Variants in NRIP1 observed in about 807,000 individuals in gnomAD.
NRIP1 encodes the protein nuclear receptor interacting protein 1.
In NRIP1, 28 loss-of-function variants were observed where a neutral mutation model predicts 75.0. The ratio of observed to expected loss-of-function variants is 0.37; its 90% confidence interval spans 0.28 to 0.51. The LOEUF is 0.51. NRIP1 is among the 20% of genes least tolerant of loss of function. The pLI, the probability that NRIP1 is intolerant of heterozygous loss-of-function variation, is 0.92. For missense variants in NRIP1, 1,435 were observed against 1,343.7 expected (o/e 1.07, Z -1.06); for synonymous variants, 526 against 487.6 (o/e 1.08, Z -1.04).
At position 14,968,503 on chromosome 21, in the gene NRIP1, C is replaced by A; in HGVS notation, c.-311G>T. 1 of 239,890 alleles carries A rather than the reference C, an allele frequency of 4.2e-6. No individual in the cohort carries two copies. Among genetic ancestry groups the A allele is most frequent in the Non-Finnish European group, 8.7e-6 (1 of 114,518 alleles). The allele number at this position is 239,890 out of a possible 1,614,324, so 14.9% of individuals were successfully genotyped here. A position where few individuals can be genotyped will look rare whatever the true frequency, so the allele number is the denominator to read the frequency against. ...CTTTTCCTTCTTCATCTTTTGTTCC[C>A]CATTAAATGCAAATATCAGTGTTCT... On this transcript the variant is annotated 5_prime_UTR_variant, in exon 4 of 4. Coordinates refer to ENST00000318948, the MANE Select transcript of NRIP1 (RefSeq NM_003489.4).
chr21:15,047,031 AG>A (rs1326071033), intron 1 of NRIP1, among the ~76,000 whole-genome samples: 3 of 152,204 alleles, frequency 2.0e-5, no homozygotes, highest in Non-Finnish European at 4.4e-5. Context: ...ATTAGCAATA[AG>A]GCTGTCTATT....
At chr21:14,975,426 T>C (rs2087028395) in intron 3 of NRIP1, among the ~76,000 whole-genome samples, 1 of 151,992 alleles carries the variant, frequency 6.6e-6, no homozygotes, top group African/African-American at 2.4e-5. Context: ...TTTTACATTC[T>C]TGAAAGATAA....
Position 14,967,744 on chromosome 21 carries a change from G to A in NRIP1, c.449C>T (p.Ser150Leu). 6.2e-7 allele frequency: 1 copy of A among 1,614,152 alleles called. No homozygotes were observed. Among genetic ancestry groups the A allele is most frequent in the South Asian group, 1.1e-5 (1 of 91,082 alleles). The change falls in exon 4 of 4, where the codon TCA (serine) becomes TTA (leucine). Residue 150 changes from serine (S) to leucine (L), a missense_variant. Physicochemically the swap from Ser to Leu is moderately radical, Grantham distance 145 (BLOSUM62 -2). Transcript: ENST00000318948. ...FSSRLQTVAL[S>L]QQIRQSLKEQ... ...CTTGAGGCTCTGCCTGATTTGTTGT[G>A]ACAGAGCAACAGTCTGCAGCCTAGA...
chr21:15,052,603 G>C (rs2089225445), intron 1 of NRIP1, among the ~76,000 whole-genome samples: 1 of 152,140 alleles, frequency 6.6e-6, no homozygotes, highest in Non-Finnish European at 1.5e-5. Flanking sequence ...TTAAACTACA[G>C]AAGGTAATTA....
chr21:15,053,075 G>A (rs1322410900), intron 1 of NRIP1, among the ~76,000 whole-genome samples: 2 of 152,108 alleles, frequency 1.3e-5, no homozygotes, highest in Non-Finnish European at 2.9e-5. Context: ...GTCAGCTTTT[G>A]CCTTTAGCAA....
Position 14,965,936 on chromosome 21 carries a change from C to T in NRIP1, c.2257G>A (p.Val753Met). 6.2e-7 allele frequency: 1 copy of T among 1,614,068 alleles called. No individual in the cohort carries two copies. Among genetic ancestry groups the T allele is most frequent in the South Asian group, 1.1e-5 (1 of 91,084 alleles). Residue 753 changes from valine to methionine, a missense_variant, in exon 4 of 4, where the codon GTG (valine) becomes ATG (methionine). Val to Met is a conservative substitution (Grantham distance 21). Transcript: ENST00000318948. ...TCACAAGGCTCAGATTTTATTTTCA[C>T]CATCAGTATTTGTTCACTTAAAGCT... ...ERALSEQILM[V>M]KIKSEPCDDL...
intron 3 of NRIP1, among the ~76,000 whole-genome samples, chr21:14,997,923 ACCAGGC>A (rs1473610201): frequency 6.6e-6 from 1 of 152,064 alleles, no homozygotes; most frequent in Non-Finnish European, 1.5e-5. Context: ...GAACTAAAGA[ACCAGGC>A]CTGGAGATTT....
intron 3 of NRIP1, among the ~76,000 whole-genome samples, chr21:14,996,033 T>C (rs971959560): frequency 9.9e-5 from 15 of 152,186 alleles, no homozygotes; most frequent in Non-Finnish European, 1.5e-4. Context: ...AGCCAGGCGA[T>C]GTCCAACAGA....
chr21:14,991,709 A>G (rs964298987), intron 3 of NRIP1, among the ~76,000 whole-genome samples: 1 of 152,216 alleles, frequency 6.6e-6, no homozygotes, highest in Non-Finnish European at 1.5e-5. Context: ...TATTTGCATA[A>G]ATAATGTCAA....
At chr21:15,027,426 A>G (rs2088547520) in intron 2 of NRIP1, among the ~76,000 whole-genome samples, 1 of 152,228 alleles carries the variant, frequency 6.6e-6, no homozygotes, top group African/African-American at 2.4e-5. Flanking sequence ...AAGCATCTTA[A>G]TAATTTTCAC....
intron 1 of NRIP1, among the ~76,000 whole-genome samples, chr21:15,053,295 G>A (rs1446527338): frequency 6.6e-6 from 1 of 152,136 alleles, no homozygotes; most frequent in Non-Finnish European, 1.5e-5. Flanking sequence ...AGCATTCCTT[G>A]GCATTATCGG....
chr21:15,041,971 CAA>C (rs2088965250), intron 2 of NRIP1, among the ~76,000 whole-genome samples: 1 of 152,008 alleles, frequency 6.6e-6, no homozygotes, highest in Non-Finnish European at 1.5e-5. Context: ...CCGTAACCGA[CAA>C]AAAGAGGAAG....
At chr21:14,997,648 A>G (rs1349535272) in intron 3 of NRIP1, among the ~76,000 whole-genome samples, 1 of 151,064 alleles carries the variant, frequency 6.6e-6, no homozygotes, top group African/African-American at 2.4e-5. Context: ...ACAAACCCAC[A>G]AAAATAATCA....
upstream of NRIP1, chr21:15,065,113 C>G (rs1413642109): frequency 6.5e-6 from 1 of 152,962 alleles, no homozygotes; most frequent in Non-Finnish European, 1.5e-5. Flanking sequence ...CGCCATTCAG[C>G]TCTTCAGCCA....
intron 3 of NRIP1, among the ~76,000 whole-genome samples, chr21:14,981,444 A>G (rs1403321303): frequency 6.6e-6 from 1 of 152,214 alleles, no homozygotes; most frequent in East Asian, 1.9e-4. Context: ...CCTGTGCAGC[A>G]GGGACAGTGA....
chr21:15,033,497 A>C (rs2088760394), intron 2 of NRIP1, among the ~76,000 whole-genome samples: 1 of 152,132 alleles, frequency 6.6e-6, no homozygotes, highest in South Asian at 2.1e-4. Context: ...ATTTACCCAT[A>C]AACACTACTT....
intron 3 of NRIP1, among the ~76,000 whole-genome samples, chr21:15,005,656 A>T (rs1221968760): frequency 6.6e-6 from 1 of 152,200 alleles, no homozygotes; most frequent in South Asian, 2.1e-4. Flanking sequence ...TCTTAGCAGG[A>T]TCTGTGCCAG....
chr21:15,054,044 G>A (rs1487151161), intron 1 of NRIP1, among the ~76,000 whole-genome samples: 1 of 152,106 alleles, frequency 6.6e-6, no homozygotes, highest in Non-Finnish European at 1.5e-5. Flanking sequence ...AGTTATTAAT[G>A]TAGTTGAATA....
At chr21:14,988,780 T>C (rs1287229943) in intron 3 of NRIP1, among the ~76,000 whole-genome samples, 3 of 152,102 alleles carry the variant, frequency 2.0e-5, no homozygotes, top group South Asian at 2.1e-4. Context: ...ATTTCCTCTC[T>C]TGACATCTGG....
Sources: allele counts gnomAD v4.1 joint callset (sites outside exome capture counted in the v4.1 genomes callset), GRCh38; gene constraint gnomAD v4.1.1; transcripts MANE v1.5; gene names NCBI Gene and HGNC (gene_info 2026-07-23, HGNC 2026-07-21).